USF2: variants seen among roughly 807,000 people sequenced by gnomAD.
The protein encoded by USF2 is upstream transcription factor 2, c-fos interacting, also known as upstream stimulatory factor 2.
In USF2, 16 loss-of-function variants were observed where a neutral mutation model predicts 46.9. That is an observed-to-expected ratio of 0.34 (90% confidence interval 0.23 to 0.52). The LOEUF is 0.52. USF2 is among the 20% of genes least tolerant of loss of function. The pLI is 0.96. For missense variants in USF2, 411 were observed against 474.0 expected, an observed-to-expected ratio of 0.87 and a Z score of 1.23; for synonymous variants, 239 against 194.1, an observed-to-expected ratio of 1.23 and a Z score of -1.92.
At chr19:35,270,630 G>A (rs778976833) in intron 5 of USF2, 33 bp downstream of exon 5, 7 of 1,611,626 alleles carry the variant, frequency 4.3e-6, no homozygotes, top group Non-Finnish European at 5.9e-6. Flanking sequence ...GCAGGTGGGG[G>A]AGGCAACGGG....
Position 35,279,367 on chromosome 19 carries a change from A to C in USF2, c.*111A>C. On this transcript the variant is annotated 3_prime_UTR_variant, in exon 10 of 10. Transcript: ENST00000222305. ...GCCCCTCCCCCAGCTGCGTTTTTTTATAGTAGATTTTTAACAAAAAACGGG... is the reference window on the plus strand; with the variant it reads ...GCCCCTCCCCCAGCTGCGTTTTTTTCTAGTAGATTTTTAACAAAAAACGGG... 1 of 1,190,084 alleles carries C rather than the reference A, an allele frequency of 8.4e-7. No homozygotes were observed. The highest frequency in any genetic ancestry group is 1.1e-6 in the Non-Finnish European group (1 of 901,146). 73.7% of individuals were successfully genotyped at this position (1,190,084 alleles called of 1,614,324 possible).
At chr19:35,274,963 T>G (rs564489779) in intron 7 of USF2, 2 of 152,306 alleles carry the variant, frequency 1.3e-5, no homozygotes, top group East Asian at 3.9e-4. Flanking sequence ...TTATGTGAAA[T>G]CTGATTTTTA....
chr19:35,271,974 G>A (rs1354295956), intron 7 of USF2, among the ~76,000 whole-genome samples: 1 of 152,140 alleles, frequency 6.6e-6, no homozygotes, highest in African/African-American at 2.4e-5. Context: ...GTGCTGGTTT[G>A]GTTGTGGGAG....
intron 4 of USF2, 58 bp from the exon 5 acceptor site, chr19:35,270,389 G>A (rs761913994): frequency 2.5e-6 from 4 of 1,575,426 alleles, no homozygotes; most frequent in Non-Finnish European, 2.6e-6. Flanking sequence ...CAGCAATGAG[G>A]GGACGGGATG....
At chr19:35,274,789 C>T (rs1257214123) in intron 7 of USF2, among the ~76,000 whole-genome samples, 1 of 152,174 alleles carries the variant, frequency 6.6e-6, no homozygotes, top group Non-Finnish European at 1.5e-5. Flanking sequence ...CAGACCCAGA[C>T]CTTGTGTCAG....
rs3825306 is a variant in USF2 at position 35,279,281 on chromosome 19, C to T, written c.*25C>T. The T allele has an allele frequency of 1.1e-4, 158 of 1,476,578 alleles. No individual in the cohort carries two copies. In the East Asian group the frequency reaches 1.5e-3, roughly 14 times the overall value. 91.5% of individuals were successfully genotyped at this position (1,476,578 alleles called of 1,614,324 possible). On this transcript the variant is annotated 3_prime_UTR_variant, in exon 10 of 10. Coordinates refer to ENST00000222305, the MANE Select transcript of USF2 (RefSeq NM_003367.4). ...ACGCCCGCCACCACCACGCAGCCGC[C>T]GCCGCCCACGCCGGCCTCTGCTGCC...
At chr19:35,278,825 G>T (rs756860437) in intron 8 of USF2, 33 bp downstream of exon 8, 13 of 1,612,912 alleles carry the variant, frequency 8.1e-6, no homozygotes, top group Non-Finnish European at 1.1e-5. Context: ...GTCTGCGGTG[G>T]TCCCGGCCCC....
At chr19:35,274,829 C>G (rs2066209700) in intron 7 of USF2, among the ~76,000 whole-genome samples, 1 of 152,196 alleles carries the variant, frequency 6.6e-6, no homozygotes, top group South Asian at 2.1e-4. Context: ...TGGGGGGCCC[C>G]CAGTGATCTG....
At chr19:35,275,906 T>G (rs2066227240) in intron 7 of USF2, 1 of 152,138 alleles carries the variant, frequency 6.6e-6, no homozygotes, top group Non-Finnish European at 1.5e-5. Flanking sequence ...CCCAGGTCAG[T>G]GAGGTCAGGC....
In USF2 at chr19:35,270,446, G is replaced by T; in HGVS notation, c.430-1G>T. On this transcript the variant is annotated splice_acceptor_variant, in intron 4 of 9. Transcript: ENST00000222305. LOFTEE classifies it high-confidence loss of function. ...GTAGCCTCTGCCCTCCTACTCCCCA[G>T]GCTGTGATCCAAAATCCCTTCAGCA... 6.2e-7 allele frequency: 1 copy of T among 1,612,228 alleles called. No individual in the cohort carries two copies. The highest frequency in any genetic ancestry group is 8.5e-7 in the Non-Finnish European group (1 of 1,179,354).
rs1190667623 is a variant in USF2, at chr19:35,279,414, G to T, written c.*158G>T. ...CGGGGAGAAATAATGCATTTCTGTG[G>T]ATACAGTGCCCACCGCCCTCCTCCA... On this transcript the variant is annotated 3_prime_UTR_variant, in exon 10 of 10. Coordinates refer to ENST00000222305, the MANE Select transcript of USF2 (RefSeq NM_003367.4). The T allele has an allele frequency of 3.5e-5, 28 of 796,994 alleles. No individual in the cohort carries two copies. Among genetic ancestry groups the T allele is most frequent in the Non-Finnish European group, 4.6e-5 (25 of 540,266 alleles). 49.4% of individuals were successfully genotyped at this position (796,994 alleles called of 1,614,324 possible).
intron 7 of USF2, among the ~76,000 whole-genome samples, chr19:35,276,769 C>T (rs987542566): frequency 1.1e-4 from 16 of 152,312 alleles, no homozygotes; most frequent in Middle Eastern, 3.4e-3. Flanking sequence ...GGCCATGGCT[C>T]GGCGCCTGGC....
intron 7 of USF2, among the ~76,000 whole-genome samples, chr19:35,276,316 C>G (rs2066233174): frequency 6.6e-6 from 1 of 152,080 alleles, no homozygotes; most frequent in African/African-American, 2.4e-5. Context: ...ATGTGATCCA[C>G]CCTCCCAAAG....
intron 4 of USF2, chr19:35,270,215 T>A: frequency 4.7e-6 from 4 of 847,476 alleles, no homozygotes; most frequent in Non-Finnish European, 6.9e-6. Context: ...GGGAATGATG[T>A]GTCTTAAGAG....
chr19:35,272,305 G>A (rs115309230), intron 7 of USF2, among the ~76,000 whole-genome samples: 2,425 of 152,252 alleles, frequency 0.016, 67 homozygotes, highest in African/African-American at 0.055. Flanking sequence ...AGGCAGGAGA[G>A]GAAAGCTGGG....
chr19:35,269,881 T>C lies in USF2; in HGVS notation c.307T>C (p.Ser103Pro). 2 of 1,412,582 alleles carry C rather than the reference T, an allele frequency of 1.4e-6. No individual in the cohort carries two copies. Among genetic ancestry groups the C allele is most frequent in the Admixed American group, 3.5e-5 (1 of 28,750 alleles). The allele number at this position is 1,412,582 out of a possible 1,614,324, so 87.5% of individuals were successfully genotyped here. Residue 103 changes from serine (S) to proline (P), a missense_variant, in exon 4 of 10, where the codon TCC becomes CCC. Ser to Pro is a moderately conservative substitution (Grantham distance 74, BLOSUM62 -1). This residue lies in a region of USF2 where 318 missense variants were observed against 322.4 expected (regional missense o/e 0.99). Transcript: ENST00000222305. ...CACAGCTGGCGCCGTCAGCGTCGTG[T>C]CCACCGCTGCCTTCGCGGGGGGGCA... The part of the protein sequence containing the change: ...GDTAGAVSVV[S>P]TAAFAGGQQA...
In USF2 at chr19:35,276,053, C is replaced by T. The variant is rs374057948; in HGVS notation, c.728-2645C>T. ...TTCTTCCTTCAGTCCTGGCAGGTTTCGCTTCTGAATTTTCTCTTTTTTTTT... is the reference window on the plus strand; with the variant it reads ...TTCTTCCTTCAGTCCTGGCAGGTTTTGCTTCTGAATTTTCTCTTTTTTTTT... On this transcript the variant is annotated intron_variant, in intron 7 of 9. Transcript: ENST00000222305. Among the ~76,000 whole-genome samples the T allele has an allele frequency of 9.4e-5, 14 of 148,154 alleles. 1 individual carries two copies. The South Asian group carries it at 2.6e-3, about 27-fold the overall frequency.
chr19:35,279,308 C>G lies in USF2; in HGVS notation c.*52C>G, dbSNP rs1288816887. The G allele has an allele frequency of 2.8e-6, 4 of 1,448,222 alleles. No individual in the cohort carries two copies. Among genetic ancestry groups the G allele is most frequent in the Admixed American group, 5.3e-5 (2 of 38,036 alleles). 89.7% of individuals were successfully genotyped at this position (1,448,222 alleles called of 1,614,324 possible). A position where few individuals can be genotyped will look rare whatever the true frequency, so the allele number is the denominator to read the frequency against. On this transcript the variant is annotated 3_prime_UTR_variant, in exon 10 of 10. Coordinates refer to ENST00000222305, the MANE Select transcript of USF2 (RefSeq NM_003367.4). ...CCGCCCACGCCGGCCTCTGCTGCCCCCTTCCCCAGCCCTTAGCACAGAGAG... is the reference window on the plus strand; with the variant it reads ...CCGCCCACGCCGGCCTCTGCTGCCCGCTTCCCCAGCCCTTAGCACAGAGAG...
At chr19:35,271,041 C>T (rs747007839) in intron 6 of USF2, 42 bp from the exon 7 acceptor site, 10 of 1,610,488 alleles carry the variant, frequency 6.2e-6, no homozygotes, top group South Asian at 1.1e-5. Flanking sequence ...GCAAACAGCT[C>T]TGCGATAATA....
Sources: gnomAD v4.1 joint callset for allele counts (sites outside exome capture counted in the v4.1 genomes callset) on GRCh38, gnomAD v4.1.1 for gene constraint, gnomAD v4.1.1 regional missense constraint, MANE v1.5 for transcripts, NCBI Gene and HGNC (gene_info 2026-07-23, HGNC 2026-07-21) for gene names.